The following DNAH6 variants were observed in gnomAD, a reference collection of about 807,000 sequenced individuals.
The protein encoded by DNAH6 is dynein axonemal heavy chain 6, also known as axonemal beta dynein heavy chain 6.
A neutral mutation model predicts 491.4 loss-of-function variants in DNAH6; 340 were observed. The observed-to-expected ratio is 0.69, with a 90% CI of 0.63 to 0.76. The LOEUF (loss-of-function observed/expected upper bound fraction) is 0.76, where lower values mean the gene tolerates loss of function less well. DNAH6 is among the 30% of genes least tolerant of loss of function. The probability of loss-of-function intolerance (pLI) is 0.00; values close to 1 mark genes in which losing one functional copy is unlikely to be tolerated. For synonymous variants in DNAH6, 1,603 were observed against 1,686.1 expected, an observed-to-expected ratio of 0.95 and a Z score of 1.21; for missense variants, 4,443 against 4,972.2, an observed-to-expected ratio of 0.89 and a Z score of 3.20.
rs1573563476 is a variant in DNAH6 at position 84,710,265 on chromosome 2, T to C, written c.9253-22T>C. 5 of 1,549,632 alleles carry C rather than the reference T, an allele frequency of 3.2e-6. No homozygotes were observed. The African/African-American group carries it at 4.1e-5, about 13-fold the overall frequency. On this transcript the variant is annotated intron_variant, in intron 55 of 76. Coordinates refer to ENST00000389394, the MANE Select transcript of DNAH6 (RefSeq NM_001370.2). ...TTATTATGCTCTGAAGCAAATGTTC[T>C]GCTCTGTGCTTTTCCAAACAGGCAA...
chr2:84,762,030 A>C (rs1674636110), intron 63 of DNAH6, among the ~76,000 whole-genome samples: 1 of 152,154 alleles, frequency 6.6e-6, no homozygotes, highest in African/African-American at 2.4e-5. Context: ...TATCTCACAC[A>C]AAGGCTCCAT....
chr2:84,490,655 G>C, the DNAH6 span, among the ~76,000 whole-genome samples: 1 of 152,058 alleles, frequency 6.6e-6, no homozygotes. Context: ...TCCACCTCCC[G>C]GGTTCAAGCA....
the DNAH6 span, among the ~76,000 whole-genome samples, chr2:84,480,911 TA>T: frequency 6.7e-6 from 1 of 150,288 alleles, no homozygotes; most frequent in Admixed American, 6.7e-5. Flanking sequence ...TGCAGTGAGC[TA>T]AAATTGCACC....
intron 33 of DNAH6, among the ~76,000 whole-genome samples, chr2:84,644,418 A>AT (rs928432395): frequency 1.5e-4 from 23 of 149,672 alleles, no homozygotes; most frequent in South Asian, 6.4e-4. Context: ...TTCAAATGTG[A>AT]TTTTTTTTTT....
chr2:84,460,611 C>G, the DNAH6 span, among the ~76,000 whole-genome samples: 1 of 151,944 alleles, frequency 6.6e-6, no homozygotes, highest in Non-Finnish European at 1.5e-5. Context: ...CTGGAGTATC[C>G]CCAGCACCTA....
At chr2:84,578,942 G>A (rs1243307953) in intron 13 of DNAH6, among the ~76,000 whole-genome samples, 1 of 152,156 alleles carries the variant, frequency 6.6e-6, no homozygotes, top group Non-Finnish European at 1.5e-5. Flanking sequence ...GCTGCCTTGT[G>A]AAGAAGGTGC....
rs1359801660 is a variant in DNAH6, at chr2:84,701,237, C to T, written c.7959C>T (p.Tyr2653=). ...TCTCCAGCATGGCAGAGCGCTATTACAATGAGCTGCGCAGGCGGTACTACA... is the reference window on the plus strand; with the variant it reads ...TCTCCAGCATGGCAGAGCGCTATTATAATGAGCTGCGCAGGCGGTACTACA... ...LSVSSMAERY[Y]NELRRRYYTT... Residue 2653 remains tyrosine (Y), a synonymous_variant, in exon 49 of 77, where the codon TAC becomes TAT. Transcript: ENST00000389394. 10 of 1,551,688 alleles carry T rather than the reference C, an allele frequency of 6.4e-6. No homozygotes were observed. Among genetic ancestry groups the T allele is most frequent in the Non-Finnish European group, 7.8e-6 (9 of 1,147,020 alleles).
chr2:84,640,740 G>C (rs766605389), intron 32 of DNAH6, among the ~76,000 whole-genome samples, 162 bp downstream of exon 32: 3 of 152,140 alleles, frequency 2.0e-5, no homozygotes, highest in Non-Finnish European at 2.9e-5. Flanking sequence ...ATTGACACAG[G>C]CTCTCTCTCT....
At chr2:84,787,104 T>C in intron 67 of DNAH6, 60 bp from the exon 68 acceptor site, 1 of 1,331,838 alleles carries the variant, frequency 7.5e-7, no homozygotes, top group Non-Finnish European at 1.0e-6. Flanking sequence ...GTTTCCAGTA[T>C]TTTACACAAA....
chr2:84,553,808 G>A (rs1254801875), intron 10 of DNAH6, among the ~76,000 whole-genome samples: 2 of 151,856 alleles, frequency 1.3e-5, no homozygotes, highest in African/African-American at 4.8e-5. Context: ...AAGGTATGCT[G>A]GAACTGAGAG....
chr2:84,813,014 C>T (rs1418850797), intron 73 of DNAH6, 44 bp from the exon 74 acceptor site: 1 of 1,499,750 alleles, frequency 6.7e-7, no homozygotes, highest in East Asian at 2.5e-5. Flanking sequence ...AAAACAAATT[C>T]CATCCCAGAA....
At chr2:84,522,009 G>T (rs185326729) in intron 2 of DNAH6, among the ~76,000 whole-genome samples, 5 of 152,226 alleles carry the variant, frequency 3.3e-5, no homozygotes, top group Non-Finnish European at 7.4e-5. Context: ...GTTCTGTGAA[G>T]AATGTCATTT....
chr2:84,715,050 G>A (rs1269858968), intron 57 of DNAH6, among the ~76,000 whole-genome samples: 1 of 151,640 alleles, frequency 6.6e-6, no homozygotes, highest in Non-Finnish European at 1.5e-5. Flanking sequence ...AACTTTATTT[G>A]TTTATCAATA....
At chr2:84,658,152 T>G (rs1233345404) in intron 35 of DNAH6, 140 bp from the exon 36 acceptor site, 2 of 506,078 alleles carry the variant, frequency 4.0e-6, no homozygotes, top group East Asian at 6.9e-5. Context: ...ATTTAATTTG[T>G]TTAATATGTT....
intron 57 of DNAH6, among the ~76,000 whole-genome samples, chr2:84,713,803 C>A (rs1469573166): frequency 6.6e-6 from 1 of 152,190 alleles, no homozygotes; most frequent in Admixed American, 6.5e-5. Context: ...AACAAGACAA[C>A]ACTAGAGAAT....
At chr2:84,585,767 G>A (rs1683476232) in intron 15 of DNAH6, among the ~76,000 whole-genome samples, 1 of 152,194 alleles carries the variant, frequency 6.6e-6, no homozygotes. Flanking sequence ...GCTGCCCTCT[G>A]CAGCTGGTTG....
At chr2:84,638,692 C>A (rs1573318547) in intron 31 of DNAH6, among the ~76,000 whole-genome samples, 1 of 152,148 alleles carries the variant, frequency 6.6e-6, no homozygotes, top group East Asian at 1.9e-4. Flanking sequence ...GGTATTAGGT[C>A]TTTCTTGCAT....
At chr2:84,801,815 C>T (rs1029642953) in intron 70 of DNAH6, among the ~76,000 whole-genome samples, 6 of 149,684 alleles carry the variant, frequency 4.0e-5, no homozygotes, top group South Asian at 2.1e-4. Flanking sequence ...ACCCAGGAGG[C>T]AGAGGTTGCA....
At chr2:84,550,201 C>A in intron 9 of DNAH6, 144 bp downstream of exon 9, 1 of 655,554 alleles carries the variant, frequency 1.5e-6, no homozygotes, top group Non-Finnish European at 2.5e-6. Context: ...TTTTGGACAC[C>A]AGAGACCAGT....
Sources: allele counts gnomAD v4.1 joint callset (sites outside exome capture counted in the v4.1 genomes callset), GRCh38; gene constraint gnomAD v4.1.1; transcripts MANE v1.5; gene names NCBI Gene and HGNC (gene_info 2026-07-23, HGNC 2026-07-21).